The following MEF2A variants were observed in gnomAD, a reference collection of about 807,000 sequenced individuals.
MEF2A encodes myocyte enhancer factor 2A, also known as myocyte-specific enhancer factor 2A.
Under a neutral mutation model 55.8 loss-of-function variants are expected in MEF2A, and 28 were observed. The ratio of observed to expected loss-of-function variants is 0.50; its 90% CI spans 0.37 to 0.69. The LOEUF (loss-of-function observed/expected upper bound fraction) is 0.69. Ranked by LOEUF, MEF2A falls within the 30% of genes least tolerant of loss-of-function variation. MEF2A has a pLI of 0.00. For missense variants in MEF2A, 528 were observed against 626.2 expected (o/e 0.84, Z 1.67); for synonymous variants, 239 against 227.1 (o/e 1.05, Z -0.47).
intron 1 of MEF2A, among the ~76,000 whole-genome samples, chr15:99,572,806 G>A (rs1229669884): frequency 6.6e-6 from 1 of 152,200 alleles, no homozygotes. Flanking sequence ...TGCACTATTT[G>A]TAGAGTAAAT....
At chr15:99,655,023 C>T (rs541238564) in intron 4 of MEF2A, among the ~76,000 whole-genome samples, 1 of 152,244 alleles carries the variant, frequency 6.6e-6, no homozygotes, top group Admixed American at 6.5e-5. Flanking sequence ...AATCGCTTGC[C>T]TCTCCATCTC....
chr15:99,584,726 A>C, intron 1 of MEF2A, among the ~76,000 whole-genome samples: 2 of 152,232 alleles, frequency 1.3e-5, no homozygotes, highest in South Asian at 4.1e-4. Context: ...CCTAATTAGT[A>C]CTGGGGTTCT....
Position 99,706,769 on chromosome 15 carries a change from T to C in MEF2A, c.923T>C (p.Leu308Pro), listed in dbSNP as rs2058085784. Reference sequence around the variant, plus strand: ...AGTAGTTCTCAAGCCACTCAACCTCTTGCTACCCCAGTCGTGTCTGTGACA... The same window carrying C: ...AGTAGTTCTCAAGCCACTCAACCTCCTGCTACCCCAGTCGTGTCTGTGACA... ...RISSSQATQP[L>P]ATPVVSVTTP... The change falls in exon 10 of 12, where the codon CTT (leucine) becomes CCT (proline). Residue 308 changes from leucine to proline, a missense_variant. By Grantham distance (98) the Leu-to-Pro change is moderately conservative. This residue lies in a region of MEF2A where 450 missense variants were observed against 475.3 expected (regional missense o/e 0.95). Transcript: ENST00000557942. The C allele has an allele frequency of 6.2e-7, 1 of 1,613,808 alleles. No individual in the cohort carries two copies. Among genetic ancestry groups the C allele is most frequent in the African/African-American group, 1.3e-5 (1 of 74,926 alleles).
At chr15:99,688,336 G>A (rs536631401) in intron 7 of MEF2A, among the ~76,000 whole-genome samples, 1 of 152,326 alleles carries the variant, frequency 6.6e-6, no homozygotes, top group Admixed American at 6.5e-5. Flanking sequence ...ACATGTAACC[G>A]AAAGATCCAG....
chr15:99,697,285 G>C (rs2056624325), intron 8 of MEF2A, among the ~76,000 whole-genome samples: 1 of 151,860 alleles, frequency 6.6e-6, no homozygotes, highest in East Asian at 1.9e-4. Context: ...ATCGGGAAGA[G>C]AGAAATTAAA....
At chr15:99,566,257 C>T (rs1959241062) in intron 1 of MEF2A, among the ~76,000 whole-genome samples, 153 bp downstream of exon 1, 1 of 148,754 alleles carries the variant, frequency 6.7e-6, no homozygotes, top group African/African-American at 2.5e-5. Flanking sequence ...CTCCGGGGAC[C>T]CCTGGACGAG....
In MEF2A at chr15:99,645,774, A is replaced by G; in HGVS notation, c.258+10A>G. 1 of 1,558,614 alleles carries G rather than the reference A, an allele frequency of 6.4e-7. No homozygotes were observed. Among genetic ancestry groups the G allele is most frequent in the Non-Finnish European group, 8.7e-7 (1 of 1,143,508 alleles). Reference sequence around the variant, plus strand: ...CTCGGATATTGTTGAGGTAACACATATCTAGTAATACGTGAATTGCAAGTA... The same window carrying G: ...CTCGGATATTGTTGAGGTAACACATGTCTAGTAATACGTGAATTGCAAGTA... On this transcript the variant is annotated intron_variant, in intron 4 of 11. Coordinates refer to ENST00000557942, the MANE Select transcript of MEF2A (RefSeq NM_001319206.4).
intron 2 of MEF2A, among the ~76,000 whole-genome samples, chr15:99,630,373 TA>T (rs2042761543): frequency 6.6e-6 from 1 of 152,180 alleles, no homozygotes; most frequent in Non-Finnish European, 1.5e-5. Context: ...AAAGTATTAT[TA>T]AAACCATCCA....
intron 3 of MEF2A, among the ~76,000 whole-genome samples, chr15:99,642,970 A>G (rs984608014): frequency 2.0e-5 from 3 of 152,240 alleles, no homozygotes; most frequent in Admixed American, 6.5e-5. Flanking sequence ...TTAGAGGAGT[A>G]GAGAGGAGTA....
chr15:99,616,860 A>G (rs370701007), intron 2 of MEF2A, among the ~76,000 whole-genome samples: 3 of 152,280 alleles, frequency 2.0e-5, no homozygotes, highest in East Asian at 3.9e-4. Flanking sequence ...GAAAAAGCCT[A>G]TCTCCTGAGG....
intron 8 of MEF2A, among the ~76,000 whole-genome samples, chr15:99,691,847 A>G (rs2055533976): frequency 6.6e-6 from 1 of 152,244 alleles, no homozygotes; most frequent in African/African-American, 2.4e-5. Flanking sequence ...GAATGCAGGT[A>G]GCCTCTATTC....
intron 1 of MEF2A, among the ~76,000 whole-genome samples, chr15:99,595,765 A>C (rs531039061): frequency 6.6e-6 from 1 of 152,206 alleles, no homozygotes; most frequent in Non-Finnish European, 1.5e-5. Flanking sequence ...GCGTCATTGA[A>C]GTGTACGTTT....
chr15:99,656,501 A>T (rs1193942227), intron 4 of MEF2A, among the ~76,000 whole-genome samples: 1 of 152,114 alleles, frequency 6.6e-6, no homozygotes, highest in Admixed American at 6.5e-5. Context: ...CTGTAAATAC[A>T]CAAAATTACT....
chr15:99,605,631 G>A (rs1396124487), intron 2 of MEF2A, among the ~76,000 whole-genome samples: 1 of 151,762 alleles, frequency 6.6e-6, no homozygotes, highest in East Asian at 1.9e-4. Context: ...CTTGGCTCAG[G>A]GCCCAAGGAG....
At chr15:99,673,554 T>A (rs1356122739) in intron 5 of MEF2A, among the ~76,000 whole-genome samples, 3 of 152,312 alleles carry the variant, frequency 2.0e-5, no homozygotes, top group Admixed American at 1.3e-4. Context: ...TTGTTTTATT[T>A]TCTCCCACTT....
At chr15:99,695,459 A>G (rs2153741170) in intron 8 of MEF2A, among the ~76,000 whole-genome samples, 1 of 152,334 alleles carries the variant, frequency 6.6e-6, no homozygotes, top group South Asian at 2.1e-4. Flanking sequence ...ACAAAAAGCA[A>G]GATAATGGTA....
intron 1 of MEF2A, among the ~76,000 whole-genome samples, chr15:99,588,431 A>G (rs1968121085): frequency 6.6e-6 from 1 of 151,422 alleles, no homozygotes; most frequent in Non-Finnish European, 1.5e-5. Context: ...CCTCCCGAGT[A>G]GCTGGGACTA....
At chr15:99,581,068 T>C (rs115182036) in intron 1 of MEF2A, among the ~76,000 whole-genome samples, 109 of 152,196 alleles carry the variant, frequency 7.2e-4, no homozygotes, top group African/African-American at 2.6e-3. Flanking sequence ...TGGAATTGTG[T>C]AGAAGTTCTT....
intron 7 of MEF2A, among the ~76,000 whole-genome samples, chr15:99,680,252 A>T (rs899066916): frequency 6.6e-6 from 1 of 152,236 alleles, no homozygotes; most frequent in Non-Finnish European, 1.5e-5. Flanking sequence ...AATTGTACCA[A>T]AATACACAAT....
Sources: gnomAD v4.1 joint callset for allele counts (sites outside exome capture counted in the v4.1 genomes callset) on GRCh38, gnomAD v4.1.1 for gene constraint, gnomAD v4.1.1 regional missense constraint, MANE v1.5 for transcripts, NCBI Gene and HGNC (gene_info 2026-07-23, HGNC 2026-07-21) for gene names.